Variants in ADGRL2 observed in about 807,000 individuals in gnomAD.
ADGRL2 encodes the protein adhesion G protein-coupled receptor L2, also known as calcium-independent alpha-latrotoxin receptor 2.
In ADGRL2, 44 loss-of-function variants were observed where a neutral mutation model predicts 157.4. That is an observed-to-expected ratio of 0.28 (90% confidence interval 0.22 to 0.36). The LOEUF (loss-of-function observed/expected upper bound fraction) is 0.36, where lower values mean the gene tolerates loss of function less well. Among genes scored for constraint, ADGRL2 ranks in the 10% least tolerant of loss-of-function variants. The probability of loss-of-function intolerance (pLI) is 1.00; values close to 1 mark genes in which losing one functional copy is unlikely to be tolerated. For missense variants in ADGRL2, 1,510 were observed against 1,768.9 expected (o/e 0.85, Z 2.63); for synonymous variants, 585 against 624.7 (o/e 0.94, Z 0.95).
At chr1:81,565,576 G>A (rs2080540147) in intron 2 of ADGRL2, among the ~76,000 whole-genome samples, 1 of 152,158 alleles carries the variant, frequency 6.6e-6, no homozygotes, top group East Asian at 1.9e-4. Context: ...GCTTTCTGCC[G>A]CATTGAAAAC....
intron 2 of ADGRL2, among the ~76,000 whole-genome samples, chr1:81,860,306 A>AT (rs779950695): frequency 2.6e-5 from 4 of 152,158 alleles, no homozygotes; most frequent in Non-Finnish European, 5.9e-5. Flanking sequence ...CCTTTGAATT[A>AT]TTTTTTAAAA....
chr1:81,668,289 G>A (rs1033260990), intron 3 of ADGRL2, among the ~76,000 whole-genome samples: 1 of 151,990 alleles, frequency 6.6e-6, no homozygotes, highest in African/African-American at 2.4e-5. Context: ...GTCGGACATG[G>A]TGGAGCACAC....
chr1:81,514,845 G>C (rs2079145311), intron 2 of ADGRL2: 1 of 152,198 alleles, frequency 6.6e-6, no homozygotes, highest in Admixed American at 6.5e-5. Flanking sequence ...CATCTCTGCA[G>C]TGTTGTGTAC....
At chr1:81,802,375 G>C (rs959601796) in intron 1 of ADGRL2, among the ~76,000 whole-genome samples, 1 of 151,988 alleles carries the variant, frequency 6.6e-6, no homozygotes, top group African/African-American at 2.4e-5. Context: ...GCTGGCCCAG[G>C]GGGAGACCCG....
At chr1:81,461,411 C>T (rs1353494575) in intron 2 of ADGRL2, among the ~76,000 whole-genome samples, 1 of 151,788 alleles carries the variant, frequency 6.6e-6, no homozygotes, top group Non-Finnish European at 1.5e-5. Context: ...CTTAATTTTC[C>T]TATTGACTAG....
chr1:81,525,031 A>C (rs1413641760), intron 2 of ADGRL2, among the ~76,000 whole-genome samples: 3 of 152,230 alleles, frequency 2.0e-5, no homozygotes, highest in Non-Finnish European at 2.9e-5. Context: ...ACAGAGGTAA[A>C]AAGAGAGACT....
chr1:81,881,083 G>A (rs1296335771), intron 2 of ADGRL2, among the ~76,000 whole-genome samples: 1 of 152,168 alleles, frequency 6.6e-6, no homozygotes, highest in Non-Finnish European at 1.5e-5. Flanking sequence ...GTTATGAATG[G>A]TAGGGGAATT....
At chr1:81,381,464 T>G (rs2101050472) in intron 1 of ADGRL2, among the ~76,000 whole-genome samples, 1 of 152,222 alleles carries the variant, frequency 6.6e-6, no homozygotes, top group South Asian at 2.1e-4. Context: ...TAGTCCCAGT[T>G]ACTCAAGGGA....
chr1:81,820,518 C>T (rs937910889), intron 1 of ADGRL2, among the ~76,000 whole-genome samples: 4 of 151,652 alleles, frequency 2.6e-5, no homozygotes, highest in African/African-American at 7.3e-5. Flanking sequence ...TTTTGGTATC[C>T]GTTTTCACTC....
At chr1:81,714,623 G>A (rs1317817825) in intron 1 of ADGRL2, among the ~76,000 whole-genome samples, 1 of 152,170 alleles carries the variant, frequency 6.6e-6, no homozygotes, top group Non-Finnish European at 1.5e-5. Flanking sequence ...GGATAAAGAA[G>A]ATTTAGAAAA....
At chr1:81,670,839 A>G (rs1367543371) in intron 3 of ADGRL2, among the ~76,000 whole-genome samples, 1 of 152,048 alleles carries the variant, frequency 6.6e-6, no homozygotes, top group Non-Finnish European at 1.5e-5. Flanking sequence ...CTCAGCCTGT[A>G]GTTAGGACTA....
chr1:81,714,763 A>C (rs1570932783), intron 1 of ADGRL2, among the ~76,000 whole-genome samples: 1 of 152,306 alleles, frequency 6.6e-6, no homozygotes, highest in East Asian at 1.9e-4. Flanking sequence ...TTCAGAAATA[A>C]TCCTGTAACA....
At chr1:81,560,096 C>T (rs904086354) in intron 2 of ADGRL2, among the ~76,000 whole-genome samples, 19 of 152,050 alleles carry the variant, frequency 1.2e-4, no homozygotes, top group African/African-American at 4.6e-4. Context: ...TTGCAGCTGC[C>T]CTGTCTTCAC....
intron 2 of ADGRL2, among the ~76,000 whole-genome samples, chr1:81,449,779 C>T (rs1349319398): frequency 6.6e-6 from 1 of 151,960 alleles, no homozygotes; most frequent in Non-Finnish European, 1.5e-5. Context: ...TGTGTAGAGA[C>T]AAGGTTTCAC....
intron 6 of ADGRL2, among the ~76,000 whole-genome samples, chr1:81,948,622 C>T (rs530440213): frequency 7.9e-5 from 12 of 152,276 alleles, no homozygotes; most frequent in Non-Finnish European, 1.3e-4. Flanking sequence ...GCACTGAAAG[C>T]CTGGCTGCAT....
chr1:81,644,569 G>T (rs1321572564), intron 3 of ADGRL2, among the ~76,000 whole-genome samples: 4 of 152,150 alleles, frequency 2.6e-5, no homozygotes, highest in East Asian at 3.9e-4. Flanking sequence ...ACCTTAACAG[G>T]CACCTCCCCA....
At chr1:81,536,386 T>C (rs969562622) in intron 2 of ADGRL2, among the ~76,000 whole-genome samples, 1 of 152,204 alleles carries the variant, frequency 6.6e-6, no homozygotes, top group Admixed American at 6.5e-5. Flanking sequence ...TCGTTGCACA[T>C]TGATGTCTTG....
chr1:81,648,626 A>C (rs1221158792), intron 3 of ADGRL2, among the ~76,000 whole-genome samples: 1 of 152,142 alleles, frequency 6.6e-6, no homozygotes, highest in Non-Finnish European at 1.5e-5. Context: ...TGAAGAGTTC[A>C]TGGGTTCCAA....
chr1:81,712,531 G>A (rs148368897), intron 1 of ADGRL2, among the ~76,000 whole-genome samples: 26 of 152,082 alleles, frequency 1.7e-4, no homozygotes, highest in African/African-American at 6.0e-4. Flanking sequence ...ATTTAAGACC[G>A]AGACACTGAG....
Sources: gnomAD v4.1 joint callset for allele counts (sites outside exome capture counted in the v4.1 genomes callset) on GRCh38, gnomAD v4.1.1 for gene constraint, MANE v1.5 for transcripts, NCBI Gene and HGNC (gene_info 2026-07-23, HGNC 2026-07-21) for gene names.